FBXW11: variants seen among roughly 807,000 people sequenced by gnomAD.
The protein encoded by FBXW11 is F-box and WD repeat domain containing 11.
A neutral mutation model predicts 77.6 loss-of-function variants in FBXW11; 19 were observed. That is an observed-to-expected ratio of 0.24 (90% CI 0.17 to 0.36). The LOEUF (loss-of-function observed/expected upper bound fraction) is 0.36, where lower values mean the gene tolerates loss of function less well. Ranked by LOEUF, FBXW11 falls within the 10% of genes least tolerant of loss-of-function variation. The pLI is 1.00. For missense variants in FBXW11, 334 were observed against 704.2 expected (o/e 0.47, Z 5.95); for synonymous variants, 235 against 249.4 (o/e 0.94, Z 0.54).
intron 7 of FBXW11, among the ~76,000 whole-genome samples, chr5:171,890,406 C>T (rs1449395258): frequency 6.6e-6 from 1 of 151,502 alleles, no homozygotes; most frequent in African/African-American, 2.4e-5. Context: ...GCCTGTAGTC[C>T]CAGCTACTCA....
At chr5:171,951,207 C>CA (rs34461043) in intron 2 of FBXW11, among the ~76,000 whole-genome samples, 118,152 of 149,362 alleles carry the variant, frequency 0.79, 50,124 homozygotes, top group East Asian at 0.97. Context: ...CCACAAAAGA[C>CA]AAAAAAAAAA....
intron 2 of FBXW11, among the ~76,000 whole-genome samples, chr5:171,940,640 G>C (rs949987795): frequency 4.6e-5 from 7 of 152,024 alleles, no homozygotes; most frequent in Non-Finnish European, 8.8e-5. Flanking sequence ...CTGTAATCCC[G>C]GCACTTTGGG....
intron 1 of FBXW11, among the ~76,000 whole-genome samples, chr5:171,993,332 C>G (rs1299327644): frequency 2.0e-5 from 3 of 151,976 alleles, no homozygotes; most frequent in Admixed American, 6.6e-5. Flanking sequence ...AAACAATATA[C>G]TCTGGGTGTG....
intron 3 of FBXW11, 64 bp from the exon 4 acceptor site, chr5:171,910,861 T>C: frequency 8.6e-7 from 1 of 1,162,840 alleles, no homozygotes; most frequent in Non-Finnish European, 1.2e-6. Flanking sequence ...AATATTTCAT[T>C]AGAAATATTT....
At chr5:171,933,711 C>A (rs1762335554) in intron 2 of FBXW11, among the ~76,000 whole-genome samples, 2 of 152,182 alleles carry the variant, frequency 1.3e-5, no homozygotes, top group South Asian at 4.1e-4. Context: ...ACCTGCTTAT[C>A]CTGCAAAGGA....
chr5:171,878,694 G>T (rs1758301525), intron 7 of FBXW11, among the ~76,000 whole-genome samples: 1 of 151,256 alleles, frequency 6.6e-6, no homozygotes, highest in Non-Finnish European at 1.5e-5. Flanking sequence ...GGAGGCTGAG[G>T]TGACAGAATT....
Position 172,006,478 on chromosome 5 carries a change from C to T in FBXW11, c.25G>A (p.Asp9Asn). Reference sequence around the variant, plus strand: ...CTCACCATGAGCTCGATGGTCTTGTCCTCAATCACCGAGTCGGGCTCCATG... The same window carrying T: ...CTCACCATGAGCTCGATGGTCTTGTTCTCAATCACCGAGTCGGGCTCCATG... MEPDSVIE[D>N]KTIELMCSVP... Residue 9 changes from aspartate (D) to asparagine (N), a missense_variant, in exon 1 of 14, where the codon GAC (aspartate) becomes AAC (asparagine). Asp to Asn is a conservative substitution (Grantham distance 23). Transcript: ENST00000517395. 1 of 1,552,124 alleles carries T rather than the reference C, an allele frequency of 6.4e-7. No homozygotes were observed.
At chr5:171,990,263 C>G (rs1765663543) in intron 1 of FBXW11, among the ~76,000 whole-genome samples, 2 of 152,042 alleles carry the variant, frequency 1.3e-5, no homozygotes, top group Non-Finnish European at 2.9e-5. Context: ...TTTACCTCAA[C>G]TCTTAGATGT....
intron 7 of FBXW11, among the ~76,000 whole-genome samples, chr5:171,890,709 T>C (rs1010382426): frequency 8.6e-5 from 13 of 152,042 alleles, no homozygotes; most frequent in African/African-American, 3.1e-4. Context: ...TGTCAGAAAC[T>C]GGAAACAACA....
chr5:171,955,168 T>C (rs754221830), intron 2 of FBXW11, among the ~76,000 whole-genome samples: 32 of 152,218 alleles, frequency 2.1e-4, no homozygotes, highest in Admixed American at 1.9e-3. Flanking sequence ...CCGGAATGGG[T>C]AAATTATGCC....
At chr5:171,930,740 T>TAAAAAAAAAAA (rs1365151810) in intron 2 of FBXW11, among the ~76,000 whole-genome samples, 1 of 47,012 alleles carries the variant, frequency 2.1e-5, no homozygotes. Flanking sequence ...AAATAAAAAA[T>TAAAAAAAAAAA]AAAAAATAAA....
At chr5:171,905,821 T>C (rs1187586564) in intron 4 of FBXW11, among the ~76,000 whole-genome samples, 4 of 152,174 alleles carry the variant, frequency 2.6e-5, no homozygotes, top group Non-Finnish European at 4.4e-5. Context: ...AAGCATTTTC[T>C]GAAGTACCTA....
chr5:171,919,487 GAAACCAGTC>G (rs538859398), intron 2 of FBXW11, among the ~76,000 whole-genome samples: 135 of 152,256 alleles, frequency 8.9e-4, no homozygotes, highest in African/African-American at 3.0e-3. Context: ...GAAAAATTAT[GAAACCAGTC>G]ATTCACTGGA....
At chr5:171,889,340 C>G (rs913366358) in intron 7 of FBXW11, among the ~76,000 whole-genome samples, 2 of 151,956 alleles carry the variant, frequency 1.3e-5, no homozygotes, top group Non-Finnish European at 2.9e-5. Flanking sequence ...CCAGCCGGGT[C>G]AACATGGTGA....
chr5:171,927,633 G>C (rs1472394627), intron 2 of FBXW11, among the ~76,000 whole-genome samples: 1 of 152,116 alleles, frequency 6.6e-6, no homozygotes, highest in Non-Finnish European at 1.5e-5. Context: ...ATGCTCTTCG[G>C]TTAACTGTTT....
At chr5:171,920,050 C>T (rs1761496404) in intron 2 of FBXW11, among the ~76,000 whole-genome samples, 1 of 152,034 alleles carries the variant, frequency 6.6e-6, no homozygotes, top group South Asian at 2.1e-4. Context: ...CAGCTACTTG[C>T]TACTTGGGAG....
chr5:171,878,460 T>A (rs1338618370), intron 7 of FBXW11, among the ~76,000 whole-genome samples: 1 of 151,948 alleles, frequency 6.6e-6, no homozygotes, highest in Non-Finnish European at 1.5e-5. Context: ...ATGCCTATAA[T>A]CCCAACATTT....
At chr5:171,916,915 T>G (rs839295) in intron 2 of FBXW11, among the ~76,000 whole-genome samples, 6,940 of 150,382 alleles carry the variant, frequency 0.046, 376 homozygotes, top group African/African-American at 0.13. Flanking sequence ...TTTTGTGGGG[T>G]TTTTTTGTTT....
intron 3 of FBXW11, 31 bp from the exon 4 acceptor site, chr5:171,910,828 T>C: frequency 2.1e-6 from 3 of 1,435,786 alleles, no homozygotes; most frequent in Non-Finnish European, 2.8e-6. Flanking sequence ...AAAAATTAGT[T>C]TAACAAGGAA....
Sources: allele counts gnomAD v4.1 joint callset (sites outside exome capture counted in the v4.1 genomes callset), GRCh38; gene constraint gnomAD v4.1.1; transcripts MANE v1.5; gene names NCBI Gene and HGNC (gene_info 2026-07-23, HGNC 2026-07-21).